The following NELL1 variants were observed in gnomAD, a reference collection of about 807,000 sequenced individuals.
The protein encoded by NELL1 is protein kinase C-binding protein NELL1.
In NELL1, 76 loss-of-function variants were observed where a neutral mutation model predicts 107.4. The ratio of observed to expected loss-of-function variants is 0.71; its 90% CI spans 0.59 to 0.86. The LOEUF (loss-of-function observed/expected upper bound fraction) is 0.86. Among genes scored for constraint, NELL1 ranks in the 40% least tolerant of loss-of-function variants. The pLI, the probability that NELL1 is intolerant of heterozygous loss-of-function variation, is 0.00. For missense variants in NELL1, 1,024 were observed against 1,005.5 expected (o/e 1.02, Z -0.25); for synonymous variants, 353 against 341.2 (o/e 1.03, Z -0.38).
intron 13 of NELL1, among the ~76,000 whole-genome samples, chr11:21,122,649 G>T (rs1242158766): frequency 6.6e-6 from 1 of 152,080 alleles, no homozygotes; most frequent in Non-Finnish European, 1.5e-5. Flanking sequence ...TCTACTGGTT[G>T]CAAGCTTTGA....
Position 20,990,210 on chromosome 11 carries a change from G to C in NELL1, c.1300+29650G>C, listed in dbSNP as rs558563969. Among the ~76,000 whole-genome samples, 5 of 152,226 alleles carry C rather than the reference G, an allele frequency of 3.3e-5. No homozygotes were observed. In the East Asian group the frequency reaches 9.7e-4, roughly 30 times the overall value. On this transcript the variant is annotated intron_variant, in intron 12 of 19. Coordinates refer to ENST00000357134, the MANE Select transcript of NELL1 (RefSeq NM_006157.5). ...GTCAGTAAGGTCTGTGGCAGGTCCT[G>C]TATGACCATCCCTTTGCACGTGTCC...
chr11:21,507,942 G>A (rs996083323), intron 15 of NELL1, among the ~76,000 whole-genome samples: 8 of 151,848 alleles, frequency 5.3e-5, no homozygotes, highest in African/African-American at 1.9e-4. Context: ...CACTACGCCT[G>A]GCTAATTTTT....
At chr11:20,995,854 A>G (rs573889763) in intron 12 of NELL1, among the ~76,000 whole-genome samples, 1 of 152,258 alleles carries the variant, frequency 6.6e-6, no homozygotes, top group African/African-American at 2.4e-5. Flanking sequence ...ATGCTACGGA[A>G]TTTAAGTTAG....
At chr11:21,412,346 T>C (rs541886511) in intron 15 of NELL1, among the ~76,000 whole-genome samples, 1 of 152,088 alleles carries the variant, frequency 6.6e-6, no homozygotes, top group Non-Finnish European at 1.5e-5. Context: ...AATTAAATAA[T>C]AGGAGCTATA....
intron 12 of NELL1, among the ~76,000 whole-genome samples, chr11:20,997,794 C>T (rs1469066056): frequency 6.6e-6 from 1 of 151,906 alleles, no homozygotes; most frequent in Non-Finnish European, 1.5e-5. Flanking sequence ...GGTAACATAG[C>T]AAGACCCTGT....
At chr11:21,166,150 C>T (rs1460047829) in intron 13 of NELL1, among the ~76,000 whole-genome samples, 4 of 151,620 alleles carry the variant, frequency 2.6e-5, no homozygotes, top group Admixed American at 1.3e-4. Context: ...GACATATTCT[C>T]ACTAATTTGT....
intron 14 of NELL1, among the ~76,000 whole-genome samples, chr11:21,293,995 G>A (rs1277292753): frequency 6.6e-6 from 1 of 152,110 alleles, no homozygotes; most frequent in Non-Finnish European, 1.5e-5. Flanking sequence ...GTTGATGAGT[G>A]CAGCAAACCA....
intron 12 of NELL1, among the ~76,000 whole-genome samples, chr11:21,095,119 C>A (rs772382191): frequency 6.6e-6 from 1 of 152,182 alleles, no homozygotes; most frequent in Non-Finnish European, 1.5e-5. Context: ...TACCCTAAAT[C>A]ATCTCTGTCA....
At chr11:21,397,524 T>C (rs1023333498) in intron 15 of NELL1, among the ~76,000 whole-genome samples, 1 of 151,640 alleles carries the variant, frequency 6.6e-6, no homozygotes, top group Non-Finnish European at 1.5e-5. Context: ...TTTTTGTCAG[T>C]GAAAAATACA....
At chr11:21,316,733 A>G (rs1001774469) in intron 14 of NELL1, among the ~76,000 whole-genome samples, 4 of 152,134 alleles carry the variant, frequency 2.6e-5, no homozygotes, top group Non-Finnish European at 5.9e-5. Context: ...AGCAGGTGGC[A>G]TTTCTGCTGG....
intron 12 of NELL1, among the ~76,000 whole-genome samples, chr11:21,056,686 A>G (rs781685094): frequency 2.6e-5 from 4 of 152,182 alleles, no homozygotes; most frequent in African/African-American, 9.7e-5. Context: ...CCATTACATT[A>G]CATTTCATTT....
intron 16 of NELL1, among the ~76,000 whole-genome samples, chr11:21,538,766 T>C (rs1391919066): frequency 1.3e-5 from 2 of 152,132 alleles, no homozygotes; most frequent in East Asian, 3.9e-4. Flanking sequence ...AACTAATATA[T>C]AATTAACAAT....
intron 14 of NELL1, among the ~76,000 whole-genome samples, chr11:21,288,467 CCTT>C (rs1461191422): frequency 2.6e-5 from 4 of 152,168 alleles, no homozygotes; most frequent in Non-Finnish European, 5.9e-5. Context: ...CTAAATTACT[CCTT>C]CTCTTTACAG....
rs550834568 is a variant in NELL1 at position 20,862,799 on chromosome 11, G to A, written c.506+15046G>A. On this transcript the variant is annotated intron_variant, in intron 4 of 19. Transcript: ENST00000357134. ...TGCGTACTTGAGATTAGGGAGTGGC[G>A]ATGACTCTCAACGAGCATGCTGCCT... 1.5e-4 allele frequency among the ~76,000 whole-genome samples: 23 copies of A among 152,030 alleles called. No homozygotes were observed. The South Asian group carries it at 2.9e-3, about 19-fold the overall frequency.
intron 5 of NELL1, among the ~76,000 whole-genome samples, chr11:20,887,153 G>T (rs1849526020): frequency 1.3e-5 from 2 of 152,118 alleles, no homozygotes; most frequent in African/African-American, 2.4e-5. Context: ...CCAAGTTGTT[G>T]TGTGTATCAG....
chr11:20,670,390 A>T (rs55700742), intron 1 of NELL1: 12,380 of 152,486 alleles, frequency 0.081, 699 homozygotes, highest in South Asian at 0.13. Context: ...GCGAACAATT[A>T]TCTGAGGGAA....
At chr11:21,334,176 T>G (rs1453397023) in intron 14 of NELL1, among the ~76,000 whole-genome samples, 1 of 151,924 alleles carries the variant, frequency 6.6e-6, no homozygotes, top group Admixed American at 6.6e-5. Flanking sequence ...TAGACAAACA[T>G]TAGAGCATAA....
intron 15 of NELL1, among the ~76,000 whole-genome samples, chr11:21,497,917 G>T (rs2133927068): frequency 6.6e-6 from 1 of 151,972 alleles, no homozygotes; most frequent in Admixed American, 6.6e-5. Context: ...ATTATACCCT[G>T]TGTCTTTTTT....
In NELL1 at chr11:21,350,368, A is replaced by T. The variant is rs908567253; in HGVS notation, c.1550-20485A>T. Among the ~76,000 whole-genome samples, 135 of 145,866 alleles carry T rather than the reference A, an allele frequency of 9.3e-4. 1 individual carries two copies. Among genetic ancestry groups the T allele is most frequent in the African/African-American group, 3.5e-3 (129 of 36,870 alleles). ...TTAACTACTGAGCAAGATCTTTTTA[A>T]AAAAAAAAAACTTTAATAACCACTA... On this transcript the variant is annotated intron_variant, in intron 14 of 19. Transcript: ENST00000357134.
Sources: allele counts gnomAD v4.1 joint callset (sites outside exome capture counted in the v4.1 genomes callset), GRCh38; gene constraint gnomAD v4.1.1; transcripts MANE v1.5; gene names NCBI Gene and HGNC (gene_info 2026-07-23, HGNC 2026-07-21).